The following CD72 variants were observed in gnomAD, a reference collection of about 807,000 sequenced individuals.
CD72 encodes B-cell differentiation antigen CD72.
In CD72, 28 loss-of-function variants were observed where a neutral mutation model predicts 50.7. The observed-to-expected ratio is 0.55, with a 90% confidence interval of 0.41 to 0.76. The LOEUF (loss-of-function observed/expected upper bound fraction) is 0.76, where lower values mean the gene tolerates loss of function less well. CD72 is among the 30% of genes least tolerant of loss of function. The pLI is 0.00. For synonymous variants in CD72, 176 were observed against 171.2 expected, an observed-to-expected ratio of 1.03 and a Z score of -0.22; for missense variants, 403 against 420.6, an observed-to-expected ratio of 0.96 and a Z score of 0.37.
intron 1 of CD72, among the ~76,000 whole-genome samples, chr9:35,645,610 T>C (rs1823385205): frequency 6.6e-6 from 1 of 151,998 alleles, no homozygotes; most frequent in Admixed American, 6.6e-5. Context: ...AAAAAAAACT[T>C]GGTCTGTATT....
rs372589518 is a variant in CD72, at chr9:35,616,087, C to T, written c.544G>A (p.Glu182Lys). Residue 182 changes from glutamate (E) to lysine (K), a missense_variant, in exon 5 of 9, where the codon GAA (glutamate) becomes AAA (lysine). Physicochemically the swap from Glu to Lys is moderately conservative, Grantham distance 56. Coordinates refer to ENST00000259633, the MANE Select transcript of CD72 (RefSeq NM_001782.3). ...QVEQRAHQAA[E>K]GQLQACQADR... ...GCCTGGCAGGCCTGTAGCTGCCCTT[C>T]GGCCGCCTGATGAGCCCTCTGTTCC... The T allele has an allele frequency of 2.2e-4, 348 of 1,614,070 alleles. 1 individual carries two copies. Among genetic ancestry groups the T allele is most frequent in the Middle Eastern group, 3.3e-4 (2 of 6,084 alleles).
chr9:35,629,262 G>T lies in CD72; in HGVS notation n.409-11141C>A, dbSNP rs181982350. Among the ~76,000 whole-genome samples, 20 of 152,190 alleles carry T rather than the reference G, an allele frequency of 1.3e-4. No individual in the cohort carries two copies. In the East Asian group the frequency reaches 3.7e-3, roughly 28 times the overall value. ...TCATGTTTCTTAACCATTTGGATTAGCTCTTCAACTGAGGTTAGAATCCTT... is the reference window on the plus strand; with the variant it reads ...TCATGTTTCTTAACCATTTGGATTATCTCTTCAACTGAGGTTAGAATCCTT... On this transcript the variant is annotated intron_variant and non_coding_transcript_variant, in intron 1 of 3. Transcript: ENST00000465754.
intron 1 of CD72, among the ~76,000 whole-genome samples, chr9:35,644,350 CAAAAAAA>C (rs74176726): frequency 5.9e-5 from 4 of 68,196 alleles, no homozygotes; most frequent in South Asian, 7.8e-4. Context: ...AACTCTGTCT[CAAAAAAA>C]AAAAAAAAAA....
intron 1 of CD72, among the ~76,000 whole-genome samples, chr9:35,632,368 C>T (rs868864541): frequency 1.3e-5 from 2 of 151,938 alleles, no homozygotes; most frequent in African/African-American, 2.4e-5. Context: ...GACGGGGTTT[C>T]ACCGTGTTAG....
intron 1 of CD72, among the ~76,000 whole-genome samples, chr9:35,626,328 G>A (rs891632995): frequency 6.6e-6 from 1 of 152,066 alleles, no homozygotes; most frequent in African/African-American, 2.4e-5. Flanking sequence ...GTCTGAAGAT[G>A]TGACTGAATT....
chr9:35,615,422 C>A (rs1823049391), intron 5 of CD72, among the ~76,000 whole-genome samples: 2 of 152,032 alleles, frequency 1.3e-5, no homozygotes, highest in South Asian at 4.1e-4. Context: ...TGAATGGACA[C>A]CCCATCCTAG....
At chr9:35,622,389 T>C (rs1266189251), upstream of CD72, among the ~76,000 whole-genome samples, 5 of 152,188 alleles carry the variant, frequency 3.3e-5, no homozygotes, top group African/African-American at 9.6e-5. Context: ...ACGTTCTCTG[T>C]GCTTAATGGC....
chr9:35,642,563 T>C (rs1431682135), intron 1 of CD72: 3 of 152,254 alleles, frequency 2.0e-5, no homozygotes, highest in Admixed American at 6.5e-5. Context: ...GTGTAAGGAC[T>C]CCTAGAGCTA....
chr9:35,615,751 T>C (rs759819280), intron 5 of CD72, among the ~76,000 whole-genome samples, 192 bp downstream of exon 5: 6 of 145,790 alleles, frequency 4.1e-5, no homozygotes, highest in Non-Finnish European at 9.0e-5. Flanking sequence ...GCTGGGTGGG[T>C]CCCCCTAAAT....
intron 8 of CD72, 122 bp downstream of exon 8, chr9:35,610,480 G>T: frequency 4.7e-6 from 2 of 422,654 alleles, no homozygotes; most frequent in Non-Finnish European, 4.2e-6. Context: ...TGGAGGCTGT[G>T]GAGGAACTTT....
At position 35,618,168 on chromosome 9, in the gene CD72, C is replaced by T. The variant is rs773089125; in HGVS notation, c.83-47G>A. The T allele has an allele frequency of 2.5e-6, 4 of 1,607,478 alleles. No individual in the cohort carries two copies. In the African/African-American group the frequency reaches 4.0e-5, roughly 16 times the overall value. ...CCAAGGTGGGATTTGGGAATGGGAT[C>T]TGTGGGGCGGGAAGTGGGGATGCAG... On this transcript the variant is annotated intron_variant, in intron 1 of 8. Coordinates refer to ENST00000259633, the MANE Select transcript of CD72 (RefSeq NM_001782.3).
chr9:35,632,860 G>A (rs1026543315), intron 1 of CD72, among the ~76,000 whole-genome samples: 5 of 151,914 alleles, frequency 3.3e-5, no homozygotes, highest in East Asian at 1.9e-4. Flanking sequence ...TTTCAGGCAC[G>A]AGCCACTGTG....
intron 1 of CD72, among the ~76,000 whole-genome samples, chr9:35,626,627 G>A (rs1823198921): frequency 1.3e-5 from 2 of 152,134 alleles, no homozygotes; most frequent in Admixed American, 1.3e-4. Flanking sequence ...TCTTATTTTA[G>A]GAAATTGCCA....
upstream of CD72, chr9:35,618,876 G>T: frequency 1.4e-6 from 1 of 720,160 alleles, no homozygotes; most frequent in Non-Finnish European, 2.0e-6. Flanking sequence ...CTGGGCCAGA[G>T]GTGAAGGTAA....
At chr9:35,628,698 C>T (rs946517756) in intron 1 of CD72, among the ~76,000 whole-genome samples, 1 of 152,132 alleles carries the variant, frequency 6.6e-6, no homozygotes. Flanking sequence ...ATCCATGCCT[C>T]CCCCTGTAAA....
intron 6 of CD72, among the ~76,000 whole-genome samples, 196 bp from the exon 7 acceptor site, chr9:35,612,115 A>G (rs770317234): frequency 2.0e-5 from 3 of 152,192 alleles, no homozygotes; most frequent in Non-Finnish European, 2.9e-5. Flanking sequence ...CCAGCTGAGT[A>G]AGAATCTCTG....
intron 1 of CD72, among the ~76,000 whole-genome samples, chr9:35,638,111 T>C (rs533528135): frequency 6.6e-6 from 1 of 152,274 alleles, no homozygotes; most frequent in East Asian, 1.9e-4. Context: ...ATAATTTTTG[T>C]CGAAAAATGG....
rs1472088015 is a variant in CD72 at position 35,614,728 on chromosome 9, C to A, written c.688+1215G>T. On this transcript the variant is annotated intron_variant, in intron 5 of 8. Coordinates refer to ENST00000259633, the MANE Select transcript of CD72 (RefSeq NM_001782.3). ...AACAAAGAAGTGAGTGAGCCAGGTG[C>A]GGTGGCTCACGACTGTAATCTCAGC... Among the ~76,000 whole-genome samples, 9 of 151,918 alleles carry A rather than the reference C, an allele frequency of 5.9e-5. No individual in the cohort carries two copies. In the South Asian group the frequency reaches 1.9e-3, roughly 32 times the overall value.
chr9:35,642,705 G>T (rs1823351148), intron 1 of CD72, among the ~76,000 whole-genome samples: 1 of 152,162 alleles, frequency 6.6e-6, no homozygotes, highest in South Asian at 2.1e-4. Flanking sequence ...TACTAAATGG[G>T]TATTGGCTTT....
Sources: gnomAD v4.1 joint callset for allele counts (sites outside exome capture counted in the v4.1 genomes callset) on GRCh38, gnomAD v4.1.1 for gene constraint, MANE v1.5 for transcripts, NCBI Gene and HGNC (gene_info 2026-07-23, HGNC 2026-07-21) for gene names.